SCO1: variants seen among roughly 807,000 people sequenced by gnomAD.
SCO1 encodes the protein synthesis of cytochrome C oxidase 1, also known as cytochrome c oxidase assembly factor SCO1.
Under a neutral mutation model 34.0 loss-of-function variants are expected in SCO1, and 23 were observed. That is an observed-to-expected ratio of 0.68 (90% confidence interval 0.49 to 0.96). The LOEUF (loss-of-function observed/expected upper bound fraction) is 0.96, where lower values mean the gene tolerates loss of function less well. Ranked by LOEUF, SCO1 falls within the 40% of genes least tolerant of loss-of-function variation. SCO1 has a pLI of 0.00. For synonymous variants in SCO1, 161 were observed against 145.5 expected (o/e 1.11, Z -0.77); for missense variants, 404 against 381.6 (o/e 1.06, Z -0.49).
rs1292501527 is a variant in SCO1, at chr17:10,677,487, GA to G, written c.*3631del. 3 of 152,184 alleles carry G rather than the reference GA, an allele frequency of 2.0e-5. No individual in the cohort carries two copies. The allele number at this position is 152,184 out of a possible 1,614,324, so 9.4% of individuals were successfully genotyped here. On this transcript the variant is annotated 3_prime_UTR_variant, in exon 6 of 6. Coordinates refer to ENST00000255390, the MANE Select transcript of SCO1 (RefSeq NM_004589.4). Reference sequence around the variant, plus strand: ...AGGTTTGGGAGATTATGGATGATTTGAAAATATTAATGTCAATTTCTTTTAA... The same window carrying G: ...AGGTTTGGGAGATTATGGATGATTTGAAATATTAATGTCAATTTCTTTTAA...
rs151112594 is a variant in SCO1 at position 10,686,745 on chromosome 17, G to A, written c.753C>T (p.Asp251=). 7.0e-5 allele frequency: 113 copies of A among 1,610,638 alleles called. No homozygotes were observed. In the Middle Eastern group the frequency reaches 1.2e-3, roughly 16 times the overall value. The change falls in exon 5 of 6, where the codon GAC becomes GAT. Residue 251 remains aspartate, a synonymous_variant. Coordinates refer to ENST00000255390, the MANE Select transcript of SCO1 (RefSeq NM_004589.4). ...TACTCACTATGTAGTCTTCATCTTCGTCCTTGGGGCCAGGGCTGTAATACA... is the reference window on the plus strand; with the variant it reads ...TACTCACTATGTAGTCTTCATCTTCATCCTTGGGGCCAGGGCTGTAATACA... ...YRVYYSPGPK[D]EDEDYIVDHT...
At chr17:10,694,957 A>T (rs938270241) in intron 2 of SCO1, among the ~76,000 whole-genome samples, 7 of 152,206 alleles carry the variant, frequency 4.6e-5, no homozygotes, top group Non-Finnish European at 7.3e-5. Flanking sequence ...ATCAAAAGAG[A>T]CTCCAAAGAA....
In SCO1 at chr17:10,678,620, T is replaced by C. The variant is rs2074598047; in HGVS notation, c.*2499A>G. On this transcript the variant is annotated 3_prime_UTR_variant, in exon 6 of 6. Transcript: ENST00000255390. Reference sequence around the variant, plus strand: ...CCTTTGAGATACTTAATATCTCTTTTGTTAAATGAGAATAGTCTTTTAGTA... The same window carrying C: ...CCTTTGAGATACTTAATATCTCTTTCGTTAAATGAGAATAGTCTTTTAGTA... 6.6e-6 allele frequency: 1 copy of C among 152,222 alleles called. No individual in the cohort carries two copies. Among genetic ancestry groups the C allele is most frequent in the Admixed American group, 6.5e-5 (1 of 15,276 alleles). 9.4% of individuals were successfully genotyped at this position (152,222 alleles called of 1,614,324 possible). A position where few individuals can be genotyped will look rare whatever the true frequency, so the allele number is the denominator to read the frequency against.
At position 10,676,737 on chromosome 17, in the gene SCO1, T is replaced by C. The variant is rs2074583429; in HGVS notation, c.*4382A>G. 6.6e-6 allele frequency: 1 copy of C among 152,212 alleles called. No homozygotes were observed. Among genetic ancestry groups the C allele is most frequent in the Admixed American group, 6.5e-5 (1 of 15,282 alleles). 9.4% of individuals were successfully genotyped at this position (152,212 alleles called of 1,614,324 possible). A position where few individuals can be genotyped will look rare whatever the true frequency, so the allele number is the denominator to read the frequency against. On this transcript the variant is annotated 3_prime_UTR_variant, in exon 6 of 6. Transcript: ENST00000255390. ...AAAGGAAATACCTCCAAGTATTATT[T>C]CTTGGTAGTGGAACAACAGTGATTG...
chr17:10,697,226 T>C lies in SCO1; in HGVS notation c.273+9A>G, dbSNP rs764259087. 10 of 1,544,006 alleles carry C rather than the reference T, an allele frequency of 6.5e-6. No homozygotes were observed. Among genetic ancestry groups the C allele is most frequent in the African/African-American group, 5.4e-5 (4 of 73,402 alleles). Reference sequence around the variant, plus strand: ...ACGAGCACCAGAAGGGTTCCAGGTGTGCACTCACCCCGGGCTTCGAGGGGC... The same window carrying C: ...ACGAGCACCAGAAGGGTTCCAGGTGCGCACTCACCCCGGGCTTCGAGGGGC... On this transcript the variant is annotated intron_variant, in intron 1 of 5. Coordinates refer to ENST00000255390, the MANE Select transcript of SCO1 (RefSeq NM_004589.4).
At chr17:10,685,198 G>A (rs1007424411) in intron 5 of SCO1, among the ~76,000 whole-genome samples, 2 of 152,152 alleles carry the variant, frequency 1.3e-5, no homozygotes, top group African/African-American at 4.8e-5. Flanking sequence ...TGGGCCATGG[G>A]GAGCTGCTGG....
intron 3 of SCO1, 62 bp downstream of exon 3, chr17:10,692,702 G>A (rs1204255632): frequency 7.4e-7 from 1 of 1,351,966 alleles, no homozygotes; most frequent in South Asian, 1.2e-5. Context: ...ATACAAGGGT[G>A]TGAAAAACCT....
chr17:10,692,767 T>C lies in SCO1; in HGVS notation c.559A>G (p.Ile187Val), dbSNP rs749880146. 6 of 1,613,728 alleles carry C rather than the reference T, an allele frequency of 3.7e-6. No individual in the cohort carries two copies. In the South Asian group the frequency reaches 4.4e-5, roughly 12 times the overall value. Residue 187 changes from isoleucine (I) to valine (V), a missense_variant, in exon 3 of 6, where the codon ATA becomes GTA. Transcript: ENST00000255390. ...LEKMIQVVDE[I>V]DSITTLPDLT... ...TAGTTAGTGATGGCTTTCTTACCTA[T>C]TTCATCCACGACTTGAATCATCTTT...
chr17:10,675,600 C>A lies in SCO1; in HGVS notation c.*5519G>T, dbSNP rs1398070742. ...GGCTCTGGAAGCTCTCCTGGCACCC[C>A]CTTCTGAATTACTAACCATCTCACC... On this transcript the variant is annotated 3_prime_UTR_variant, in exon 6 of 6. Coordinates refer to ENST00000255390, the MANE Select transcript of SCO1 (RefSeq NM_004589.4). 3 of 152,190 alleles carry A rather than the reference C, an allele frequency of 2.0e-5. No individual in the cohort carries two copies. The highest frequency in any genetic ancestry group is 4.4e-5 in the Non-Finnish European group (3 of 68,054). The allele number at this position is 152,190 out of a possible 1,614,324, so 9.4% of individuals were successfully genotyped here.
At chr17:10,684,834 C>T (rs947443312) in intron 5 of SCO1, among the ~76,000 whole-genome samples, 2 of 152,218 alleles carry the variant, frequency 1.3e-5, no homozygotes, top group Non-Finnish European at 2.9e-5. Context: ...CTCTTTTGGC[C>T]ACTGTGGCTC....
intron 3 of SCO1, among the ~76,000 whole-genome samples, chr17:10,692,408 C>G (rs1480997971): frequency 6.6e-6 from 1 of 152,152 alleles, no homozygotes; most frequent in Non-Finnish European, 1.5e-5. Context: ...CTTACTAGTA[C>G]TAGTAAAATG....
rs779031321 is a variant in SCO1, at chr17:10,686,716, C to T, written c.771+11G>A. The T allele has an allele frequency of 1.1e-5, 17 of 1,533,782 alleles. No individual in the cohort carries two copies. In the South Asian group the frequency reaches 1.9e-4, roughly 17 times the overall value. On this transcript the variant is annotated intron_variant, in intron 5 of 5. Transcript: ENST00000255390. ...GCTGGTCCATGGGTTAAAACTGGAACATTTACTCACTATGTAGTCTTCATC... is the reference window on the plus strand; with the variant it reads ...GCTGGTCCATGGGTTAAAACTGGAATATTTACTCACTATGTAGTCTTCATC...
At position 10,679,516 on chromosome 17, in the gene SCO1, CAT is replaced by C. The variant is rs2074606715; in HGVS notation, c.*1601_*1602del. The C allele has an allele frequency of 6.6e-6, 1 of 152,108 alleles. No individual in the cohort carries two copies. The highest frequency in any genetic ancestry group is 2.4e-5 in the African/African-American group (1 of 41,434). The allele number at this position is 152,108 out of a possible 1,614,324, so 9.4% of individuals were successfully genotyped here. On this transcript the variant is annotated 3_prime_UTR_variant, in exon 6 of 6. Transcript: ENST00000255390. Reference sequence around the variant, plus strand: ...GACCTCTATCATGTGCGTGTAGAAACATATCATGTAAAAAGAATCTGTTGTCT... The same window carrying C: ...GACCTCTATCATGTGCGTGTAGAAACATCATGTAAAAAGAATCTGTTGTCT...
At chr17:10,686,166 C>T (rs1324752607) in intron 5 of SCO1, among the ~76,000 whole-genome samples, 1 of 151,984 alleles carries the variant, frequency 6.6e-6, no homozygotes, top group African/African-American at 2.4e-5. Flanking sequence ...TGCTTGAATC[C>T]GGGAGGCGGA....
At chr17:10,681,912 C>T (rs1164331318) in intron 5 of SCO1, among the ~76,000 whole-genome samples, 1 of 152,024 alleles carries the variant, frequency 6.6e-6, no homozygotes, top group Non-Finnish European at 1.5e-5. Context: ...CATTTTTCTC[C>T]CCAAGGAAAT....
rs1181083417 is a variant in SCO1, at chr17:10,672,650, A to G, written c.*8469T>C. 7.9e-5 allele frequency: 12 copies of G among 152,186 alleles called. No individual in the cohort carries two copies. Among genetic ancestry groups the G allele is most frequent in the Admixed American group, 7.9e-4 (12 of 15,282 alleles). 9.4% of individuals were successfully genotyped at this position (152,186 alleles called of 1,614,324 possible). On this transcript the variant is annotated 3_prime_UTR_variant, in exon 6 of 6. Transcript: ENST00000255390. ...CCCCTGGCAATCATTTGCCACTGCAATATTATTAGGCCTGTGTTGAAGACT... is the reference window on the plus strand; with the variant it reads ...CCCCTGGCAATCATTTGCCACTGCAGTATTATTAGGCCTGTGTTGAAGACT...
chr17:10,692,695 C>A (rs2074696970), intron 3 of SCO1, 69 bp downstream of exon 3: 1 of 1,264,078 alleles, frequency 7.9e-7, no homozygotes, highest in Non-Finnish European at 1.2e-6. Context: ...AACAATAATA[C>A]AAGGGTGTGA....
At chr17:10,681,344 C>T (rs1055900364) in intron 5 of SCO1, 91 bp from the exon 6 acceptor site, 1 of 1,339,174 alleles carries the variant, frequency 7.5e-7, no homozygotes, top group African/African-American at 1.4e-5. Context: ...GAGAACTTTA[C>T]ATTAATGCTT....
At chr17:10,690,296 T>A (rs2074682008) in intron 4 of SCO1, among the ~76,000 whole-genome samples, 1 of 152,150 alleles carries the variant, frequency 6.6e-6, no homozygotes, top group African/African-American at 2.4e-5. Flanking sequence ...AAACTATTCA[T>A]CAGACTAGGG....
Sources: allele counts gnomAD v4.1 joint callset (sites outside exome capture counted in the v4.1 genomes callset), GRCh38; gene constraint gnomAD v4.1.1; transcripts MANE v1.5; gene names NCBI Gene and HGNC (gene_info 2026-07-23, HGNC 2026-07-21).